DYSF: variants seen among roughly 807,000 people sequenced by gnomAD.
DYSF encodes the protein dystrophy-associated fer-1-like 1.
In DYSF, 212 loss-of-function variants were observed where a neutral mutation model predicts 274.9. The observed-to-expected ratio is 0.77, with a 90% confidence interval of 0.69 to 0.86. The LOEUF (loss-of-function observed/expected upper bound fraction) is 0.86. Ranked by LOEUF, DYSF falls within the 40% of genes least tolerant of loss-of-function variation. The probability of loss-of-function intolerance (pLI) is 0.00; values close to 1 mark genes in which losing one functional copy is unlikely to be tolerated. For synonymous variants in DYSF, 1,091 were observed against 1,078.7 expected (o/e 1.01, Z -0.22); for missense variants, 2,666 against 2,783.2 (o/e 0.96, Z 0.95).
intron 22 of DYSF, among the ~76,000 whole-genome samples, 170 bp from the exon 23 acceptor site, chr2:71,561,582 G>A (rs2091758931): frequency 6.6e-6 from 1 of 152,180 alleles, no homozygotes; most frequent in African/African-American, 2.4e-5. Context: ...GGAGGTGAGG[G>A]TGGAGCACAT....
chr2:71,622,825 G>A (rs1291573082), intron 41 of DYSF, among the ~76,000 whole-genome samples: 1 of 152,164 alleles, frequency 6.6e-6, no homozygotes, highest in African/African-American at 2.4e-5. Context: ...ATCTTGGCCA[G>A]GCTGATCTTG....
At chr2:71,558,026 T>G (rs1182983204) in intron 22 of DYSF, among the ~76,000 whole-genome samples, 1 of 150,200 alleles carries the variant, frequency 6.7e-6, no homozygotes, top group South Asian at 2.1e-4. Flanking sequence ...AGCAAGACTC[T>G]GTCTCAAAAA....
At chr2:71,549,002 T>C (rs547670850) in intron 17 of DYSF, among the ~76,000 whole-genome samples, 2 of 152,342 alleles carry the variant, frequency 1.3e-5, no homozygotes, top group Admixed American at 1.3e-4. Context: ...GGCTATCATA[T>C]GGAAAAGCAC....
chr2:71,493,052 A>AAT (rs1356364479), intron 3 of DYSF, among the ~76,000 whole-genome samples: 12 of 121,826 alleles, frequency 9.9e-5, no homozygotes, highest in South Asian at 4.9e-4. Context: ...TGGCTAATTT[A>AAT]ATATATATAT....
intron 30 of DYSF, among the ~76,000 whole-genome samples, chr2:71,585,400 C>T (rs983867894): frequency 6.6e-6 from 1 of 152,160 alleles, no homozygotes; most frequent in Admixed American, 6.5e-5. Context: ...CTTGAATGGG[C>T]AATGCCTGGC....
chr2:71,620,684 A>G, intron 41 of DYSF, 75 bp downstream of exon 41: 1 of 978,386 alleles, frequency 1.0e-6, no homozygotes, highest in Non-Finnish European at 1.5e-6. Context: ...TAGGAGGGAA[A>G]TGGGAGGGGA....
chr2:71,604,530 C>A (rs1411681877), intron 36 of DYSF, among the ~76,000 whole-genome samples: 1 of 152,068 alleles, frequency 6.6e-6, no homozygotes, highest in Non-Finnish European at 1.5e-5. Flanking sequence ...AGTCAGGGGG[C>A]AGTGAGGGAA....
chr2:71,645,985 C>A (rs2094562139), intron 42 of DYSF, among the ~76,000 whole-genome samples: 3 of 152,116 alleles, frequency 2.0e-5, no homozygotes. Context: ...TCAGGTGATT[C>A]TTTTGGCGCA....
chr2:71,632,555 A>C (rs141151562), intron 41 of DYSF, among the ~76,000 whole-genome samples: 56 of 152,312 alleles, frequency 3.7e-4, no homozygotes, highest in African/African-American at 1.3e-3. Flanking sequence ...AACTCTTGTT[A>C]AGCAAAATTG....
At chr2:71,525,091 T>C (rs953835861) in intron 12 of DYSF, among the ~76,000 whole-genome samples, 46 of 152,334 alleles carry the variant, frequency 3.0e-4, no homozygotes, top group East Asian at 1.9e-4. Flanking sequence ...TCTCAGCCTC[T>C]GTTGCTAGTT....
chr2:71,466,572 G>A (rs1489930003), upstream of DYSF: 12 of 1,086,814 alleles, frequency 1.1e-5, no homozygotes, highest in East Asian at 1.9e-4. Flanking sequence ...ACCCCCACAG[G>A]CGCCCGTCTG....
At chr2:71,528,190 GCTT>G in intron 13 of DYSF, 105 bp from the exon 14 acceptor site, 2 of 1,004,770 alleles carry the variant, frequency 2.0e-6, no homozygotes, top group Non-Finnish European at 3.1e-6. Flanking sequence ...AGGGGCCAAA[GCTT>G]CTTGCTCAGG....
chr2:71,645,471 C>CGCTTGTGTGTTCCTCT (rs1430321892), intron 42 of DYSF, among the ~76,000 whole-genome samples: 2 of 151,790 alleles, frequency 1.3e-5, no homozygotes, highest in African/African-American at 4.8e-5. Context: ...GACATCCCGC[C>CGCTTGTGTGTTCCTCT]GCTTGTGTGT....
In DYSF at chr2:71,600,713, G is replaced by A. The variant is rs1574276347; in HGVS notation, c.3768G>A (p.Glu1256=). The A allele has an allele frequency of 1.2e-6, 2 of 1,614,130 alleles. No individual in the cohort carries two copies. Among genetic ancestry groups the A allele is most frequent in the Non-Finnish European group, 1.7e-6 (2 of 1,180,040 alleles). Residue 1256 remains glutamate, a synonymous_variant, in exon 34 of 56, where the codon GAG becomes GAA. Transcript: ENST00000410020. ...TACGCTTGGTCTAGGGTGCAGACGA[G>A]TTTATGGGTCGCTGCATCTGTCAAC... ...LYDHDTYGAD[E]FMGRCICQPS...
At chr2:71,514,069 C>A in intron 7 of DYSF, 148 bp downstream of exon 7, 2 of 933,516 alleles carry the variant, frequency 2.1e-6, no homozygotes, top group African/African-American at 1.6e-5. Flanking sequence ...TTTCCCTGGG[C>A]CTGGGCAGAT....
intron 14 of DYSF, among the ~76,000 whole-genome samples, chr2:71,529,495 G>T (rs2088390966): frequency 1.3e-5 from 2 of 152,220 alleles, no homozygotes; most frequent in African/African-American, 4.8e-5. Flanking sequence ...TTCAGATGAA[G>T]TATTTCGGCA....
intron 47 of DYSF, among the ~76,000 whole-genome samples, chr2:71,666,548 C>T (rs2095014397): frequency 6.6e-6 from 1 of 152,224 alleles, no homozygotes; most frequent in Admixed American, 6.5e-5. Context: ...AAAGCCAAGG[C>T]CTTTGACATA....
chr2:71,624,530 G>A (rs150739491), intron 41 of DYSF, among the ~76,000 whole-genome samples: 322 of 152,204 alleles, frequency 2.1e-3, no homozygotes, highest in African/African-American at 7.6e-3. Flanking sequence ...TATTGTTGCT[G>A]AAAGGCCCTA....
At chr2:71,622,139 T>TTTTTG (rs1558651939) in intron 41 of DYSF, among the ~76,000 whole-genome samples, 2 of 148,410 alleles carry the variant, frequency 1.3e-5, no homozygotes, top group African/African-American at 4.9e-5. Flanking sequence ...TGTTTTTTTT[T>TTTTTG]TTTTTTTGTT....
Sources: gnomAD v4.1 joint callset for allele counts (sites outside exome capture counted in the v4.1 genomes callset) on GRCh38, gnomAD v4.1.1 for gene constraint, MANE v1.5 for transcripts, NCBI Gene and HGNC (gene_info 2026-07-23, HGNC 2026-07-21) for gene names.